The following AGR3 variants were observed in gnomAD, a reference collection of about 807,000 sequenced individuals.
The protein encoded by AGR3 is anterior gradient 3, protein disulphide isomerase family member, also known as anterior gradient protein 3.
Under a neutral mutation model 24.5 loss-of-function variants are expected in AGR3, and 37 were observed. The observed-to-expected ratio is 1.51, with a 90% CI of 1.16 to 1.99. The LOEUF is 1.99. AGR3 is among the 30% of genes most tolerant of loss of function. AGR3 has a pLI of 0.00. For missense variants in AGR3, 228 were observed against 191.1 expected (o/e 1.19, Z -1.14); for synonymous variants, 75 against 61.6 (o/e 1.22, Z -1.02).
intron 3 of AGR3, among the ~76,000 whole-genome samples, chr7:16,870,583 C>T (rs1781846553): frequency 6.6e-6 from 1 of 152,064 alleles, no homozygotes; most frequent in Non-Finnish European, 1.5e-5. Context: ...TTGTCAAATA[C>T]AAAGTCTTAA....
intron 3 of AGR3, chr7:16,866,413 C>A: frequency 3.7e-6 from 1 of 268,226 alleles, no homozygotes; most frequent in Non-Finnish European, 8.0e-6. Flanking sequence ...ATGCCAGGTT[C>A]CTGAAATGAG....
Position 16,861,966 on chromosome 7 carries a change from A to T in AGR3, c.303+18T>A, listed in dbSNP as rs1311487605. 6.3e-7 allele frequency: 1 copy of T among 1,580,234 alleles called. No homozygotes were observed. The highest frequency in any genetic ancestry group is 1.2e-5 in the South Asian group (1 of 86,204). On this transcript the variant is annotated intron_variant, in intron 5 of 7. Coordinates refer to ENST00000310398, the MANE Select transcript of AGR3 (RefSeq NM_176813.5). The stretch of plus-strand genomic sequence containing the variant: ...CATGAAATTATAGTATTAAGAAAAC[A>T]TCACAAAGTTTATGTACCATAAGGT...
downstream of AGR3, among the ~76,000 whole-genome samples, chr7:16,857,522 C>G (rs1411168481): frequency 6.6e-6 from 1 of 152,114 alleles, no homozygotes; most frequent in African/African-American, 2.4e-5. Context: ...TTTATGCAAC[C>G]ATGGAATCAG....
downstream of AGR3, among the ~76,000 whole-genome samples, chr7:16,854,902 T>A (rs1342629764): frequency 6.6e-6 from 1 of 152,188 alleles, no homozygotes; most frequent in Non-Finnish European, 1.5e-5. Flanking sequence ...CATGTCTCTG[T>A]ATCCAAATTT....
At chr7:16,863,416 A>T (rs941258048) in intron 3 of AGR3, among the ~76,000 whole-genome samples, 1 of 152,166 alleles carries the variant, frequency 6.6e-6, no homozygotes, top group Non-Finnish European at 1.5e-5. Flanking sequence ...CCTGAGTGGG[A>T]GTTCCCTATT....
In AGR3 at chr7:16,860,484, A is replaced by G. The variant is rs143256323; in HGVS notation, c.451+16T>C. ...TCAGCTATGACCACTGTTTGAGATC[A>G]TTTGTGAATACTTACATAGGGGTAA... On this transcript the variant is annotated intron_variant, in intron 7 of 7. Transcript: ENST00000310398. 4 of 1,592,276 alleles carry G rather than the reference A, an allele frequency of 2.5e-6. No homozygotes were observed. Among genetic ancestry groups the G allele is most frequent in the Non-Finnish European group, 3.4e-6 (4 of 1,160,220 alleles).
At chr7:16,877,207 A>G (rs1012524485) in intron 2 of AGR3, among the ~76,000 whole-genome samples, 5 of 148,142 alleles carry the variant, frequency 3.4e-5, no homozygotes, top group Admixed American at 2.7e-4. Context: ...TTGAAATTAT[A>G]TAATATATAT....
At chr7:16,858,786 G>T (rs372084011), downstream of AGR3, among the ~76,000 whole-genome samples, 1 of 152,136 alleles carries the variant, frequency 6.6e-6, no homozygotes, top group Non-Finnish European at 1.5e-5. Flanking sequence ...CAGGAGAATC[G>T]CTTGAACGGG....
At chr7:16,855,380 A>G (rs1222042973), downstream of AGR3, among the ~76,000 whole-genome samples, 5 of 115,388 alleles carry the variant, frequency 4.3e-5, no homozygotes, top group South Asian at 3.2e-4. Flanking sequence ...TAGAAGTTTC[A>G]GTAATCACTA....
chr7:16,878,004 G>A (rs917914202), intron 2 of AGR3, among the ~76,000 whole-genome samples: 3 of 152,108 alleles, frequency 2.0e-5, no homozygotes, highest in African/African-American at 7.2e-5. Flanking sequence ...CCTTGATTAT[G>A]TCTAAAACCA....
intron 3 of AGR3, among the ~76,000 whole-genome samples, chr7:16,869,993 C>G (rs1283533682): frequency 6.6e-6 from 1 of 151,822 alleles, no homozygotes; most frequent in African/African-American, 2.4e-5. Flanking sequence ...TTATTGTGAT[C>G]ATCTTAAAAA....
chr7:16,862,505 A>G (rs984300452), intron 4 of AGR3, 105 bp downstream of exon 4: 2 of 603,102 alleles, frequency 3.3e-6, no homozygotes, highest in African/African-American at 3.9e-5. Flanking sequence ...ATTTTTTTTA[A>G]TGGGATTTGC....
chr7:16,857,995 T>C (rs1264069093), downstream of AGR3, among the ~76,000 whole-genome samples: 3 of 151,780 alleles, frequency 2.0e-5, no homozygotes, highest in African/African-American at 7.3e-5. Flanking sequence ...CATTTTCTTT[T>C]TTTTTTTTTG....
At chr7:16,856,698 G>T (rs1781558716), downstream of AGR3, among the ~76,000 whole-genome samples, 1 of 152,110 alleles carries the variant, frequency 6.6e-6, no homozygotes, top group Admixed American at 6.6e-5. Context: ...ACTATTTCAG[G>T]TAGTTGATGT....
chr7:16,876,143 C>T (rs753311741), intron 2 of AGR3, among the ~76,000 whole-genome samples: 1 of 152,132 alleles, frequency 6.6e-6, no homozygotes, highest in Non-Finnish European at 1.5e-5. Flanking sequence ...TTGTCCATAG[C>T]TCTGTAGAAA....
chr7:16,880,892 C>G (rs187864784), intron 1 of AGR3, among the ~76,000 whole-genome samples: 1 of 152,088 alleles, frequency 6.6e-6, no homozygotes, highest in Non-Finnish European at 1.5e-5. Flanking sequence ...CCACCTAGGA[C>G]AGGATCTTAA....
chr7:16,878,697 A>G (rs1782043816), intron 1 of AGR3, 52 bp from the exon 2 acceptor site: 13 of 1,328,858 alleles, frequency 9.8e-6, no homozygotes, highest in South Asian at 1.2e-5. Flanking sequence ...TCAAGCTATT[A>G]TTAGAAGATA....
intron 3 of AGR3, chr7:16,866,095 A>G (rs1476748886): frequency 1.7e-6 from 1 of 583,136 alleles, no homozygotes; most frequent in East Asian, 3.8e-5. Flanking sequence ...ATCTGTTCTA[A>G]GGAAGACAGA....
At chr7:16,862,420 A>G (rs1024203460) in intron 4 of AGR3, among the ~76,000 whole-genome samples, 190 bp downstream of exon 4, 2 of 152,168 alleles carry the variant, frequency 1.3e-5, no homozygotes, top group Non-Finnish European at 2.9e-5. Context: ...TATAATAGAA[A>G]TATTCAGTAG....
Sources: allele counts gnomAD v4.1 joint callset (sites outside exome capture counted in the v4.1 genomes callset), GRCh38; gene constraint gnomAD v4.1.1; transcripts MANE v1.5; gene names NCBI Gene and HGNC (gene_info 2026-07-23, HGNC 2026-07-21).